Variants in PRX observed in about 807,000 individuals in gnomAD.
The protein encoded by PRX is periaxin.
In PRX, 24 loss-of-function variants were observed where a neutral mutation model predicts 29.6. That is an observed-to-expected ratio of 0.81 (90% CI 0.59 to 1.14). The LOEUF is 1.14. PRX is among the 50% of genes most tolerant of loss of function. The probability of loss-of-function intolerance (pLI) is 0.00; values close to 1 mark genes in which losing one functional copy is unlikely to be tolerated. For synonymous variants in PRX, 772 were observed against 831.7 expected (o/e 0.93, Z 1.24); for missense variants, 1,838 against 1,926.4 (o/e 0.95, Z 0.86).
rs751183515 is a variant in PRX, at chr19:40,396,663, A to T, written c.1689T>A (p.Ala563=). Reference sequence around the variant, plus strand: ...CCTCTGGAAGCCGCACCTCTGGCACAGCCACCTCTGACACCTCTGGGAGTT... The same window carrying T: ...CCTCTGGAAGCCGCACCTCTGGCACTGCCACCTCTGACACCTCTGGGAGTT... ...EMKLPEVSEV[A]VPEVRLPEVQ... The change falls in exon 7 of 7, where the codon GCT becomes GCA. Residue 563 remains alanine, a synonymous_variant. Coordinates refer to ENST00000324001, the MANE Select transcript of PRX (RefSeq NM_181882.3). 1.9e-6 allele frequency: 3 copies of T among 1,613,504 alleles called. No individual in the cohort carries two copies. In the South Asian group the frequency reaches 3.3e-5, roughly 18 times the overall value.
At chr19:40,403,893 G>T (rs2079514247) in intron 4 of PRX, 31 bp from the exon 5 acceptor site, 1 of 1,598,920 alleles carries the variant, frequency 6.3e-7, no homozygotes, top group South Asian at 1.1e-5. Flanking sequence ...TCGCGTTGGG[G>T]CTCTAGGGCC....
intron 1 of PRX, among the ~76,000 whole-genome samples, 181 bp from the exon 2 acceptor site, chr19:40,408,564 C>G (rs1283534509): frequency 6.6e-6 from 1 of 152,174 alleles, no homozygotes; most frequent in Non-Finnish European, 1.5e-5. Flanking sequence ...AAAACTGACT[C>G]CGAGGCCTGT....
rs1320084704 is a variant in PRX at position 40,396,496 on chromosome 19, G to A, written c.1856C>T (p.Pro619Leu). ...TGGGACTTTTGGAAGCTGCACTTCTGGGAGGTGCACATCGGGCACGGCCAT... is the reference window on the plus strand; with the variant it reads ...TGGGACTTTTGGAAGCTGCACTTCTAGGAGGTGCACATCGGGCACGGCCAT... Reference protein sequence around the residue: ...PEMAVPDVHLPEVQLPKVPEM... With the variant: ...PEMAVPDVHLLEVQLPKVPEM... The change falls in exon 7 of 7, where the codon CCA becomes CTA. Residue 619 changes from proline to leucine, a missense_variant. By Grantham distance (98) the Pro-to-Leu change is moderately conservative (BLOSUM62 -3). Transcript: ENST00000324001. 6.2e-7 allele frequency: 1 copy of A among 1,613,828 alleles called. No homozygotes were observed. The highest frequency in any genetic ancestry group is 8.5e-7 in the Non-Finnish European group (1 of 1,179,976).
intron 1 of PRX, among the ~76,000 whole-genome samples, chr19:40,409,229 G>A (rs1226003015): frequency 2.0e-5 from 3 of 151,956 alleles, no homozygotes; most frequent in Non-Finnish European, 2.9e-5. Flanking sequence ...CAACTCCTGG[G>A]CTCATGCTAT....
chr19:40,394,977 G>A lies in PRX; in HGVS notation c.3375C>T (p.Gly1125=), dbSNP rs755560307. The change falls in exon 7 of 7, where the codon GGC becomes GGT. Residue 1125 remains glycine (G), a synonymous_variant. Transcript: ENST00000324001. This position sits in a 1 kb window ranked among gnomAD's most constrained non-coding sequence, Gnocchi z 5.8. The part of the protein sequence containing the change: ...AVAVSGMQLS[G]LKVSTAGQVV... ...CCTGCCCGGCTGTGGACACCTTCAG[G>A]CCTGACAGCTGCATTCCACTGACGG... 63 of 1,608,398 alleles carry A rather than the reference G, an allele frequency of 3.9e-5. No individual in the cohort carries two copies. The Admixed American group carries it at 1.0e-3, about 26-fold the overall frequency.
chr19:40,394,155 G>C lies in PRX; in HGVS notation c.4197C>G (p.Pro1399=), dbSNP rs1380322372. The part of the protein sequence containing the change: ...ASRGQEGDAA[P]KSPVREKSPK... ...GTGACTTCTCTCTGACGGGGGACTT[G>C]GGGGCTGCATCGCCCTCCTGCCCCC... Residue 1399 remains proline, a synonymous_variant, in exon 7 of 7, where the codon CCC becomes CCG. Transcript: ENST00000324001. The surrounding 1 kb of genome is among the most constrained non-coding windows in gnomAD (Gnocchi z 5.8). 6.3e-7 allele frequency: 1 copy of C among 1,592,504 alleles called. No homozygotes were observed. Among genetic ancestry groups the C allele is most frequent in the Admixed American group, 1.7e-5 (1 of 58,294 alleles).
At chr19:40,406,219 C>A (rs2079529450) in intron 4 of PRX, among the ~76,000 whole-genome samples, 1 of 150,072 alleles carries the variant, frequency 6.7e-6, no homozygotes, top group African/African-American at 2.5e-5. Context: ...TGCACTCCAG[C>A]CTGGGTGACA....
At position 40,398,644 on chromosome 19, in the gene PRX, G is replaced by A; in HGVS notation, c.357C>T (p.Gly119=). The change falls in exon 6 of 7, where the codon GGC becomes GGT. Residue 119 remains glycine, a synonymous_variant. Transcript: ENST00000324001. The surrounding 1 kb of genome is among the most constrained non-coding windows in gnomAD (Gnocchi z 6.3). ...PGTVSGYEIK[G]PRAKVAKLNI... Reference sequence around the variant, plus strand: ...CCAGCTTGGCCACCTTGGCCCGCGGGCCCTTGATCTCGTAGCCAGACACGG... The same window carrying A: ...CCAGCTTGGCCACCTTGGCCCGCGGACCCTTGATCTCGTAGCCAGACACGG... 2 of 1,613,752 alleles carry A rather than the reference G, an allele frequency of 1.2e-6. No homozygotes were observed. Among genetic ancestry groups the A allele is most frequent in the Non-Finnish European group, 1.7e-6 (2 of 1,179,884 alleles).
intron 4 of PRX, among the ~76,000 whole-genome samples, chr19:40,407,280 T>G (rs1052631250): frequency 3.3e-5 from 5 of 150,156 alleles, no homozygotes; most frequent in African/African-American, 1.2e-4. Context: ...TTTTTTTTTC[T>G]TTGTTTTTCT....
At position 40,403,821 on chromosome 19, in the gene PRX, C is replaced by A. The variant is rs142535919; in HGVS notation, c.69G>T (p.Thr23=). 2 of 1,608,364 alleles carry A rather than the reference C, an allele frequency of 1.2e-6. No individual in the cohort carries two copies. Among genetic ancestry groups the A allele is most frequent in the East Asian group, 2.2e-5 (1 of 44,668 alleles). The change falls in exon 5 of 7, where the codon ACG becomes ACT. Residue 23 remains threonine, a synonymous_variant. Coordinates refer to ENST00000324001, the MANE Select transcript of PRX (RefSeq NM_181882.3). ...RAELVEIIVE[T]EAQTGVSGIN... ...TGCCGCTGACCCCGGTCTGCGCCTC[C>A]GTCTCCACGATAATTTCCACCAACT...
At position 40,397,504 on chromosome 19, in the gene PRX, A is replaced by C. The variant is rs776556523; in HGVS notation, c.848T>G (p.Val283Gly). Reference protein sequence around the residue: ...LGLGAPAPPAVEAPAVGIQVP... With the variant: ...LGLGAPAPPAGEAPAVGIQVP... Reference sequence around the variant, plus strand: ...CTGGATTCCCACGGCTGGGGCCTCCACAGCAGGCGGAGCCGGGGCTCCGAG... The same window carrying C: ...CTGGATTCCCACGGCTGGGGCCTCCCCAGCAGGCGGAGCCGGGGCTCCGAG... The change falls in exon 7 of 7, where the codon GTG becomes GGG. Residue 283 changes from valine to glycine, a missense_variant. This residue lies in a region of PRX where 666 missense variants were observed against 665.0 expected (regional missense o/e 1.00). Transcript: ENST00000324001. The C allele has an allele frequency of 5.2e-5, 81 of 1,553,204 alleles. No homozygotes were observed. The highest frequency in any genetic ancestry group is 6.8e-5 in the Non-Finnish European group (78 of 1,151,064).
rs1358009164 is a variant in PRX at position 40,395,213 on chromosome 19, C to T, written c.3139G>A (p.Gly1047Ser). 6.2e-7 allele frequency: 1 copy of T among 1,614,044 alleles called. No homozygotes were observed. The highest frequency in any genetic ancestry group is 2.2e-5 in the East Asian group (1 of 44,874). ...CTCCCATCCCAGCCCCAGCCCTTGC[C>T]CTCCAACTCAGCCACCCCTGGCACT... ...ELVPGVAELE[G>S]KGWGWDGRVK... Residue 1047 changes from glycine to serine, a missense_variant, in exon 7 of 7, where the codon GGC becomes AGC. Physicochemically the swap from Gly to Ser is moderately conservative, Grantham distance 56 (BLOSUM62 0). Transcript: ENST00000324001.
chr19:40,408,261 C>G lies in PRX; in HGVS notation c.-198-5G>C, dbSNP rs1163310136. 2 of 503,402 alleles carry G rather than the reference C, an allele frequency of 4.0e-6. No homozygotes were observed. The highest frequency in any genetic ancestry group is 7.3e-6 in the Non-Finnish European group (2 of 275,688). The allele number at this position is 503,402 out of a possible 1,614,324, so 31.2% of individuals were successfully genotyped here. Reference sequence around the variant, plus strand: ...CTTCCGTGGGGTTCTTGCTGCCTGCCAGGGAAAGGCCAGGATGTGAAGCTC... The same window carrying G: ...CTTCCGTGGGGTTCTTGCTGCCTGCGAGGGAAAGGCCAGGATGTGAAGCTC... On this transcript the variant is annotated splice_polypyrimidine_tract_variant and splice_region_variant and intron_variant, in intron 2 of 6. Transcript: ENST00000324001.
chr19:40,414,376 G>A (rs928763139), upstream of PRX, among the ~76,000 whole-genome samples: 1 of 152,044 alleles, frequency 6.6e-6, no homozygotes, highest in Non-Finnish European at 1.5e-5. Context: ...TTCCCACTTC[G>A]GCCTCCCAAA....
At chr19:40,414,150 TCTCA>T, upstream of PRX, among the ~76,000 whole-genome samples, 1 of 152,144 alleles carries the variant, frequency 6.6e-6, no homozygotes, top group Middle Eastern at 3.4e-3. Context: ...TGAGACAAGG[TCTCA>T]CTCTGTTGCC....
chr19:40,397,592 G>T lies in PRX; in HGVS notation c.760C>A (p.Pro254Thr). ...AEVGVPQVSA[P>T]KAAPSAEAAG... ...GCCTCTGCTGAGGGGGCAGCCTTGGGGGCTGAGACCTGGGGGACACCCACC... is the reference window on the plus strand; with the variant it reads ...GCCTCTGCTGAGGGGGCAGCCTTGGTGGCTGAGACCTGGGGGACACCCACC... Residue 254 changes from proline to threonine, a missense_variant, in exon 7 of 7, where the codon CCC becomes ACC. Pro to Thr is a conservative substitution (Grantham distance 38). Around this residue, in one of 3 missense-constraint regions of PRX, gnomAD observed 666 missense variants for 665.0 expected, o/e 1.00. Transcript: ENST00000324001. 2 of 1,542,176 alleles carry T rather than the reference G, an allele frequency of 1.3e-6. No homozygotes were observed. Among genetic ancestry groups the T allele is most frequent in the East Asian group, 2.4e-5 (1 of 41,210 alleles).
Position 40,398,773 on chromosome 19 carries a change from CTTGAAG to C in PRX, c.222_227del (p.Asn74_Phe75del). 1 of 1,614,102 alleles carries C rather than the reference CTTGAAG, an allele frequency of 6.2e-7. No individual in the cohort carries two copies. ...GCAGCAGGCGTAGTGCGTCCTCGTA[CTTGAAG>C]TTCTCGAAGAACACTCGGGCACTCA... On this transcript the variant is annotated inframe_deletion, in exon 6 of 7. Transcript: ENST00000324001. The surrounding 1 kb of genome is among the most constrained non-coding windows in gnomAD (Gnocchi z 6.3).
rs772371124 is a variant in PRX, at chr19:40,394,409, G to A, written c.3943C>T (p.Arg1315Trp). 1.3e-5 allele frequency: 21 copies of A among 1,599,938 alleles called. No homozygotes were observed. Among genetic ancestry groups the A allele is most frequent in the Middle Eastern group, 3.3e-4 (2 of 6,060 alleles). The change falls in exon 7 of 7, where the codon CGG becomes TGG. Residue 1315 changes from arginine (R) to tryptophan (W), a missense_variant. This residue lies in a region of PRX where 1,143 missense variants were observed against 1,193.0 expected (regional missense o/e 0.96). Transcript: ENST00000324001. This position sits in a 1 kb window ranked among gnomAD's most constrained non-coding sequence, Gnocchi z 5.8. ...KVRLPRFGLVRAKEGAEEGEK... is the reference protein window; with the variant it reads ...KVRLPRFGLVWAKEGAEEGEK... ...CCCTCCTCGGCCCCCTCCTTGGCCC[G>A]CACCAGGCCAAACCGGGGCAGCCGT...
intron 5 of PRX, among the ~76,000 whole-genome samples, chr19:40,399,850 C>CCTTCCTTTCTTTCTTTCTTT (rs1304936980): frequency 1.1e-4 from 13 of 119,738 alleles, no homozygotes; most frequent in East Asian, 1.1e-3. Context: ...AGCTTTCTTT[C>CCTTCCTTTCTTTCTTTCTTT]CTTTCTTTCT....
Sources: gnomAD v4.1 joint callset for allele counts (sites outside exome capture counted in the v4.1 genomes callset) on GRCh38, gnomAD v4.1.1 for gene constraint, gnomAD v4.1.1 regional missense constraint, Gnocchi (gnomAD v3.1) non-coding constraint, MANE v1.5 for transcripts, NCBI Gene and HGNC (gene_info 2026-07-23, HGNC 2026-07-21) for gene names.